Variants in DCC observed in about 807,000 individuals in gnomAD.
DCC encodes the protein DCC netrin 1 receptor.
A neutral mutation model predicts 172.5 loss-of-function variants in DCC; 58 were observed. The observed-to-expected ratio is 0.34, with a 90% CI of 0.27 to 0.42. The LOEUF is 0.42. Among genes scored for constraint, DCC ranks in the 10% least tolerant of loss-of-function variants. The probability of loss-of-function intolerance (pLI) is 1.00; values close to 1 mark genes in which losing one functional copy is unlikely to be tolerated. For synonymous variants in DCC, 709 were observed against 644.5 expected (o/e 1.10, Z -1.52); for missense variants, 1,740 against 1,791.0 (o/e 0.97, Z 0.51).
At chr18:52,789,416 C>G (rs771800003) in intron 2 of DCC, among the ~76,000 whole-genome samples, 7 of 151,830 alleles carry the variant, frequency 4.6e-5, no homozygotes, top group Non-Finnish European at 1.0e-4. Context: ...AAGGCTTTTT[C>G]TAGGAAAGCA....
At chr18:52,623,954 G>A (rs934420252) in intron 1 of DCC, among the ~76,000 whole-genome samples, 1 of 152,068 alleles carries the variant, frequency 6.6e-6, no homozygotes, top group East Asian at 1.9e-4. Context: ...TGACAAGAAA[G>A]CCAAACAAGG....
chr18:52,431,229 A>T (rs1369386165), intron 1 of DCC, among the ~76,000 whole-genome samples: 2 of 152,136 alleles, frequency 1.3e-5, no homozygotes, highest in Non-Finnish European at 2.9e-5. Flanking sequence ...CCTCTAGGTG[A>T]TTTGGAGGCT....
chr18:53,248,423 T>C (rs2056390455), intron 12 of DCC, among the ~76,000 whole-genome samples: 1 of 151,908 alleles, frequency 6.6e-6, no homozygotes, highest in Admixed American at 6.6e-5. Context: ...TTTTAGAGGG[T>C]AGCAATGGAA....
At chr18:52,389,979 A>G (rs1474872583) in intron 1 of DCC, among the ~76,000 whole-genome samples, 1 of 152,072 alleles carries the variant, frequency 6.6e-6, no homozygotes, top group Non-Finnish European at 1.5e-5. Flanking sequence ...CCAATTTTTC[A>G]TATAGAGAGA....
chr18:52,891,226 C>G (rs756630314), intron 2 of DCC, among the ~76,000 whole-genome samples: 20 of 152,092 alleles, frequency 1.3e-4, no homozygotes, highest in Non-Finnish European at 2.8e-4. Context: ...TATTAAGAAC[C>G]CTGATGATAA....
chr18:52,389,742 C>A (rs967728026), intron 1 of DCC, among the ~76,000 whole-genome samples: 3 of 152,046 alleles, frequency 2.0e-5, no homozygotes, highest in Admixed American at 2.0e-4. Context: ...TGTTGGATCA[C>A]TGAATCTTTG....
rs1336653861 is a variant in DCC at position 52,752,256 on chromosome 18, G to A, written c.294G>A (p.Leu98=). ...RKQQLSNGSL[L]IQNILHSRHH... is the part of the protein sequence containing the mutation. The stretch of plus-strand genomic sequence containing the variant: ...AGCAACTTTCAAATGGGTCTCTGCT[G>A]ATACAAAACATACTTCATTCCAGAC... Residue 98 remains leucine, a synonymous_variant, in exon 2 of 29, where the codon CTG becomes CTA. Coordinates refer to ENST00000442544, the MANE Select transcript of DCC (RefSeq NM_005215.4). The A allele has an allele frequency of 6.2e-7, 1 of 1,614,048 alleles. No individual in the cohort carries two copies. The highest frequency in any genetic ancestry group is 8.5e-7 in the Non-Finnish European group (1 of 1,180,038).
chr18:52,938,005 C>A (rs2040406030), intron 5 of DCC, among the ~76,000 whole-genome samples: 1 of 152,102 alleles, frequency 6.6e-6, no homozygotes, highest in Non-Finnish European at 1.5e-5. Context: ...CAAGGCAACT[C>A]CAGCTCAGTG....
intron 1 of DCC, among the ~76,000 whole-genome samples, chr18:52,750,563 T>A (rs899839648): frequency 1.3e-5 from 2 of 152,198 alleles, no homozygotes; most frequent in South Asian, 2.1e-4. Context: ...TATATGACAG[T>A]GAGCGACACA....
chr18:53,063,900 A>G (rs767969261), intron 6 of DCC, among the ~76,000 whole-genome samples: 28 of 152,154 alleles, frequency 1.8e-4, no homozygotes, highest in Non-Finnish European at 2.5e-4. Flanking sequence ...TAATACAGAC[A>G]GCTTTTTTTT....
intron 3 of DCC, among the ~76,000 whole-genome samples, chr18:52,919,507 G>T (rs929025270): frequency 6.6e-6 from 1 of 152,140 alleles, no homozygotes; most frequent in Non-Finnish European, 1.5e-5. Flanking sequence ...ATTTTCATAT[G>T]AATGTATGTA....
rs1161997538 is a variant in DCC at position 52,926,846 on chromosome 18, CAT to C, written c.985+1480_985+1481del. Among the ~76,000 whole-genome samples, 9 of 128,672 alleles carry C rather than the reference CAT, an allele frequency of 7.0e-5. No homozygotes were observed. The South Asian group carries it at 1.3e-3, about 19-fold the overall frequency. 84.4% of individuals were successfully genotyped at this position (128,672 alleles called of 152,430 possible). On this transcript the variant is annotated intron_variant, in intron 5 of 28. Transcript: ENST00000442544. The stretch of plus-strand genomic sequence containing the variant: ...ATATACATATACATACACACACACA[CAT>C]ATACGTGTGTGTGTATATATACATA...
chr18:53,117,668 G>A (rs2043426836), intron 7 of DCC, among the ~76,000 whole-genome samples: 3 of 144,426 alleles, frequency 2.1e-5, no homozygotes, highest in Middle Eastern at 7.1e-3. Flanking sequence ...TTCCTCTACA[G>A]CAGAGGTCAG....
At chr18:53,078,783 G>C (rs2042758310) in intron 7 of DCC, among the ~76,000 whole-genome samples, 1 of 152,040 alleles carries the variant, frequency 6.6e-6, no homozygotes, top group South Asian at 2.1e-4. Flanking sequence ...CTGAAACATT[G>C]ACAAAATAAA....
chr18:52,989,110 G>C (rs1395438207), intron 5 of DCC, among the ~76,000 whole-genome samples: 1 of 146,070 alleles, frequency 6.8e-6, no homozygotes, highest in Non-Finnish European at 1.6e-5. Flanking sequence ...TGGAGGGATA[G>C]AGAGAATAGT....
chr18:52,406,159 A>G (rs373832400), intron 1 of DCC, among the ~76,000 whole-genome samples: 1 of 150,400 alleles, frequency 6.6e-6, no homozygotes. Flanking sequence ...TACACCTTAT[A>G]CAAAAATCAA....
At chr18:52,656,582 G>A (rs1183435426) in intron 1 of DCC, among the ~76,000 whole-genome samples, 1 of 152,152 alleles carries the variant, frequency 6.6e-6, no homozygotes, top group Non-Finnish European at 1.5e-5. Context: ...GACATGTGAA[G>A]AAAAAGAGAA....
chr18:53,278,030 A>G (rs1175288190), intron 12 of DCC, among the ~76,000 whole-genome samples: 2 of 152,190 alleles, frequency 1.3e-5, no homozygotes, highest in African/African-American at 2.4e-5. Flanking sequence ...ATTGCAACAG[A>G]TATTTTGTTT....
At chr18:52,917,137 C>CAAA (rs146388621) in intron 3 of DCC, among the ~76,000 whole-genome samples, 1 of 94,820 alleles carries the variant, frequency 1.1e-5, no homozygotes, top group Non-Finnish European at 2.3e-5. Flanking sequence ...AAAAAGAAAA[C>CAAA]AAAAAAAAAA....
Sources: allele counts gnomAD v4.1 joint callset (sites outside exome capture counted in the v4.1 genomes callset), GRCh38; gene constraint gnomAD v4.1.1; transcripts MANE v1.5; gene names NCBI Gene and HGNC (gene_info 2026-07-23, HGNC 2026-07-21).